Variants in PPP1CB observed in about 807,000 individuals in gnomAD.
The protein encoded by PPP1CB is protein phosphatase 1 catalytic subunit beta.
A neutral mutation model predicts 43.7 loss-of-function variants in PPP1CB; 2 were observed. That is an observed-to-expected ratio of 0.05 (90% CI 0.02 to 0.14). PPP1CB has a LOEUF of 0.14. Among genes scored for constraint, PPP1CB ranks in the 10% least tolerant of loss-of-function variants. The pLI is 1.00. For missense variants in PPP1CB, 84 were observed against 398.0 expected (o/e 0.21, Z 6.71); for synonymous variants, 136 against 135.6 (o/e 1.00, Z -0.02).
At position 28,776,952 on chromosome 2, in the gene PPP1CB, T is replaced by C. The variant is rs1331465727; in HGVS notation, c.154T>C (p.Leu52=). 4.3e-6 allele frequency: 7 copies of C among 1,613,442 alleles called. No individual in the cohort carries two copies. The highest frequency in any genetic ancestry group is 1.3e-5 in the African/African-American group (1 of 74,918). ...GATCTTTCTCAGCCAGCCTATTCTT[T>C]TGGAATTGGAAGCACCGCTGAAAAT... ...REIFLSQPIL[L]ELEAPLKICG... Residue 52 remains leucine (L), a synonymous_variant, in exon 2 of 8, where the codon TTG becomes CTG. Transcript: ENST00000395366.
chr2:28,777,630 G>A (rs1173479690), intron 2 of PPP1CB, among the ~76,000 whole-genome samples: 1 of 152,128 alleles, frequency 6.6e-6, no homozygotes, highest in African/African-American at 2.4e-5. Context: ...TACTCGCTAA[G>A]TAAATGTTTG....
intron 1 of PPP1CB, among the ~76,000 whole-genome samples, chr2:28,772,526 G>C (rs1170304633): frequency 3.3e-5 from 5 of 152,144 alleles, no homozygotes; most frequent in Non-Finnish European, 7.4e-5. Context: ...GACCCGAGCA[G>C]TTCTACTGCT....
At chr2:28,796,380 GC>G (rs1667497826) in intron 7 of PPP1CB, among the ~76,000 whole-genome samples, 1 of 152,154 alleles carries the variant, frequency 6.6e-6, no homozygotes, top group Non-Finnish European at 1.5e-5. Context: ...ACTACTTTGG[GC>G]AGTATGGAGA....
chr2:28,769,535 G>A (rs1666857207), intron 1 of PPP1CB, among the ~76,000 whole-genome samples: 1 of 152,214 alleles, frequency 6.6e-6, no homozygotes, highest in Admixed American at 6.5e-5. Context: ...TTGCTGATAT[G>A]CTGACACTAG....
chr2:28,795,209 G>T (rs1198838372), intron 7 of PPP1CB, among the ~76,000 whole-genome samples: 1 of 152,200 alleles, frequency 6.6e-6, no homozygotes, highest in Non-Finnish European at 1.5e-5. Flanking sequence ...GTATTCCATG[G>T]TGTATATGTA....
intron 2 of PPP1CB, chr2:28,778,249 A>T (rs1193129112): frequency 5.0e-6 from 2 of 397,770 alleles, no homozygotes; most frequent in Admixed American, 5.9e-5. Flanking sequence ...ACTACCAGAT[A>T]ATAAAATTGT....
intron 1 of PPP1CB, among the ~76,000 whole-genome samples, chr2:28,773,909 TG>T (rs373316768): frequency 0.03 from 4,547 of 151,704 alleles, 205 homozygotes; most frequent in African/African-American, 0.096. Context: ...ACTAAGTTGG[TG>T]GGGGGGGCTG....
chr2:28,794,534 C>CA (rs1177508759), intron 7 of PPP1CB, among the ~76,000 whole-genome samples: 2 of 151,876 alleles, frequency 1.3e-5, no homozygotes, highest in Non-Finnish European at 2.9e-5. Context: ...ACTAAAAATA[C>CA]AAAAAAATTA....
intron 5 of PPP1CB, among the ~76,000 whole-genome samples, chr2:28,784,491 T>C (rs1409464633): frequency 6.6e-6 from 1 of 152,118 alleles, no homozygotes; most frequent in Non-Finnish European, 1.5e-5. Context: ...CTTGAATTCC[T>C]AGGCTCAAGC....
At chr2:28,772,262 C>A (rs936876653) in intron 1 of PPP1CB, among the ~76,000 whole-genome samples, 15 of 151,342 alleles carry the variant, frequency 9.9e-5, no homozygotes, top group African/African-American at 3.7e-4. Context: ...GATCTTGCCA[C>A]TACACTCCAG....
At chr2:28,751,823 G>A, upstream of PPP1CB, 1 of 484,986 alleles carries the variant, frequency 2.1e-6, no homozygotes, top group South Asian at 2.0e-5. Flanking sequence ...CGGCGCTGGT[G>A]AGCTTTGCGG....
At chr2:28,765,489 A>G (rs1168260746) in intron 1 of PPP1CB, among the ~76,000 whole-genome samples, 2 of 152,220 alleles carry the variant, frequency 1.3e-5, no homozygotes, top group Non-Finnish European at 2.9e-5. Context: ...GGATTTTGAT[A>G]TATGGAAATT....
intron 5 of PPP1CB, among the ~76,000 whole-genome samples, chr2:28,787,645 C>T (rs937449155): frequency 3.3e-5 from 5 of 152,186 alleles, no homozygotes; most frequent in African/African-American, 4.8e-5. Context: ...TTTTGGTCTT[C>T]GTCCTACTGC....
At chr2:28,775,128 T>C (rs193166851) in intron 1 of PPP1CB, among the ~76,000 whole-genome samples, 1 of 152,096 alleles carries the variant, frequency 6.6e-6, no homozygotes, top group Admixed American at 6.6e-5. Context: ...ACTTTGGAGA[T>C]GGGGTCTCAC....
chr2:28,761,038 T>C (rs1247993309), intron 1 of PPP1CB, among the ~76,000 whole-genome samples: 1 of 152,118 alleles, frequency 6.6e-6, no homozygotes, highest in Non-Finnish European at 1.5e-5. Context: ...GTAGCTGGGA[T>C]TACAGGCGCC....
intron 3 of PPP1CB, among the ~76,000 whole-genome samples, chr2:28,779,864 C>T (rs529297924): frequency 6.6e-6 from 1 of 152,182 alleles, no homozygotes; most frequent in Non-Finnish European, 1.5e-5. Context: ...GAACACAGTG[C>T]GTGAAGCAAT....
At position 28,752,196 on chromosome 2, in the gene PPP1CB, C is replaced by T; in HGVS notation, c.52+20C>T. Reference sequence around the variant, plus strand: ...TGGAGGGTGAGTGCGCGCCTGGCCGCGGGACAGAGGGAGGTCGGGCACCGC... The same window carrying T: ...TGGAGGGTGAGTGCGCGCCTGGCCGTGGGACAGAGGGAGGTCGGGCACCGC... On this transcript the variant is annotated intron_variant, in intron 1 of 7. Transcript: ENST00000395366. 6.5e-7 allele frequency: 1 copy of T among 1,536,826 alleles called. No homozygotes were observed. The highest frequency in any genetic ancestry group is 8.8e-7 in the Non-Finnish European group (1 of 1,139,316).
chr2:28,796,811 TTG>T (rs1304652796), intron 7 of PPP1CB, among the ~76,000 whole-genome samples: 1 of 152,148 alleles, frequency 6.6e-6, no homozygotes, highest in Non-Finnish European at 1.5e-5. Flanking sequence ...CAGTACTCTG[TTG>T]AATAGGGGTG....
chr2:28,792,389 C>T (rs779811781), intron 6 of PPP1CB, among the ~76,000 whole-genome samples: 2 of 151,790 alleles, frequency 1.3e-5, no homozygotes, highest in Non-Finnish European at 1.5e-5. Context: ...GGCATGGTGG[C>T]ACACACCTGT....
Sources: allele counts gnomAD v4.1 joint callset (sites outside exome capture counted in the v4.1 genomes callset), GRCh38; gene constraint gnomAD v4.1.1; transcripts MANE v1.5; gene names NCBI Gene and HGNC (gene_info 2026-07-23, HGNC 2026-07-21).